The following STX7 variants were observed in gnomAD, a reference collection of about 807,000 sequenced individuals.
STX7 encodes the protein syntaxin-7.
Under a neutral mutation model 39.6 loss-of-function variants are expected in STX7, and 34 were observed. The observed-to-expected ratio is 0.86, with a 90% CI of 0.65 to 1.14. STX7 has a LOEUF of 1.14. Ranked by LOEUF, STX7 falls within the 50% of genes most tolerant of loss-of-function variation. The pLI, the probability that STX7 is intolerant of heterozygous loss-of-function variation, is 0.00. For missense variants in STX7, 284 were observed against 310.4 expected, an observed-to-expected ratio of 0.92 and a Z score of 0.64; for synonymous variants, 119 against 99.1, an observed-to-expected ratio of 1.20 and a Z score of -1.19.
intron 1 of STX7, among the ~76,000 whole-genome samples, chr6:132,508,044 G>C (rs1466788942): frequency 6.6e-6 from 1 of 152,104 alleles, no homozygotes; most frequent in Non-Finnish European, 1.5e-5. Context: ...TTAGCATTTG[G>C]GCCCACTGCC....
chr6:132,504,528 T>C (rs889204645), intron 1 of STX7, among the ~76,000 whole-genome samples: 3 of 152,214 alleles, frequency 2.0e-5, no homozygotes, highest in African/African-American at 7.2e-5. Flanking sequence ...CACCCCATCT[T>C]TTCCATGAAT....
intron 2 of STX7, among the ~76,000 whole-genome samples, chr6:132,484,282 C>T (rs1242167332): frequency 1.1e-4 from 16 of 152,268 alleles, no homozygotes. Context: ...AAAAACAAAA[C>T]AGTGTCCCGT....
chr6:132,458,788 T>C lies in STX7; in HGVS notation c.*1970A>G, dbSNP rs940415424. 2 of 152,212 alleles carry C rather than the reference T, an allele frequency of 1.3e-5. No individual in the cohort carries two copies. Among genetic ancestry groups the C allele is most frequent in the Non-Finnish European group, 1.5e-5 (1 of 68,046 alleles). 9.4% of individuals were successfully genotyped at this position (152,212 alleles called of 1,614,324 possible). On this transcript the variant is annotated 3_prime_UTR_variant, in exon 10 of 10. Coordinates refer to ENST00000367941, the MANE Select transcript of STX7 (RefSeq NM_003569.3). ...AAACTTAATATGTTTCTTAAACAAA[T>C]TGAAGCCACTAAAGTTCCTGTTTAA... is the stretch of plus-strand genomic sequence containing the variant.
chr6:132,481,146 G>A (rs1334040953), intron 2 of STX7, among the ~76,000 whole-genome samples: 6 of 152,142 alleles, frequency 3.9e-5, no homozygotes, highest in Admixed American at 6.5e-5. Flanking sequence ...AGTGTGTCAC[G>A]CAGGAGCTTT....
At chr6:132,498,147 A>T (rs970919584) in intron 2 of STX7, among the ~76,000 whole-genome samples, 2 of 152,220 alleles carry the variant, frequency 1.3e-5, no homozygotes. Context: ...TAGGATACAA[A>T]TATTTTCTTA....
At chr6:132,488,571 T>A (rs1006994640) in intron 2 of STX7, among the ~76,000 whole-genome samples, 9 of 145,284 alleles carry the variant, frequency 6.2e-5, no homozygotes, top group Non-Finnish European at 1.3e-4. Flanking sequence ...AGTTCTCAGT[T>A]TTTTTTAAGT....
At chr6:132,507,892 T>A (rs146056880) in intron 1 of STX7, among the ~76,000 whole-genome samples, 11 of 152,358 alleles carry the variant, frequency 7.2e-5, no homozygotes, top group African/African-American at 2.6e-4. Flanking sequence ...TATACCTGAA[T>A]GAGTCGCACA....
intron 2 of STX7, among the ~76,000 whole-genome samples, chr6:132,490,966 C>CAGCACAGCACAGCAT (rs1775266026): frequency 3.9e-5 from 1 of 25,760 alleles, no homozygotes; most frequent in Non-Finnish European, 9.0e-5. Context: ...TCCCTCAGTG[C>CAGCACAGCACAGCAT]AGCACAGCAC....
chr6:132,477,957 T>A (rs6569801), intron 2 of STX7, among the ~76,000 whole-genome samples: 1 of 151,994 alleles, frequency 6.6e-6, no homozygotes, highest in African/African-American at 2.4e-5. Context: ...TAAACTTTTA[T>A]GTTTCTGATT....
At position 132,450,022 on chromosome 6, in the gene STX7, G is replaced by C. The variant is rs1160948935; in HGVS notation, c.*10736C>G. On this transcript the variant is annotated 3_prime_UTR_variant, in exon 10 of 10. Coordinates refer to ENST00000367941, the MANE Select transcript of STX7 (RefSeq NM_003569.3). ...TTAAAGCATTCCTGGTTTTATGAAGGAATCTTAGGTTCACTTTCTTTACTT... is the reference window on the plus strand; with the variant it reads ...TTAAAGCATTCCTGGTTTTATGAAGCAATCTTAGGTTCACTTTCTTTACTT... 2.6e-5 allele frequency: 4 copies of C among 152,128 alleles called. No individual in the cohort carries two copies. The highest frequency in any genetic ancestry group is 9.7e-5 in the African/African-American group (4 of 41,416). 9.4% of individuals were successfully genotyped at this position (152,128 alleles called of 1,614,324 possible).
At chr6:132,472,001 C>T (rs1364479805) in intron 4 of STX7, among the ~76,000 whole-genome samples, 1 of 152,102 alleles carries the variant, frequency 6.6e-6, no homozygotes, top group Non-Finnish European at 1.5e-5. Flanking sequence ...CAGTCAGCCC[C>T]GGAAGGCCAG....
rs750519661 is a variant in STX7, at chr6:132,470,606, G to A, written c.408C>T (p.Ser136=). Residue 136 remains serine, a synonymous_variant, in exon 6 of 10, where the codon AGC becomes AGT. Coordinates refer to ENST00000367941, the MANE Select transcript of STX7 (RefSeq NM_003569.3). ...AGGATACAAGATTCCTTTCTTTTGA[G>A]CTGTCCTCAGGAAAACTGCCCTGAA... is the stretch of plus-strand genomic sequence containing the variant. The part of the protein sequence containing the change: ...SRVSGSFPED[S]SKERNLVSWE... 1.2e-5 allele frequency: 20 copies of A among 1,608,474 alleles called. No homozygotes were observed. Among genetic ancestry groups the A allele is most frequent in the Non-Finnish European group, 1.7e-5 (20 of 1,176,642 alleles).
In STX7 at chr6:132,445,958, A is replaced by G. The variant is rs974949543; in HGVS notation, c.*14800T>C. The stretch of plus-strand genomic sequence containing the variant: ...AAATTACACATGGGGTTGTTATTAC[A>G]ATCTCTTCAGTGTTCAAGGTTTCTA... On this transcript the variant is annotated 3_prime_UTR_variant, in exon 10 of 10. Transcript: ENST00000367941. 4 of 152,202 alleles carry G rather than the reference A, an allele frequency of 2.6e-5. No individual in the cohort carries two copies. Among genetic ancestry groups the G allele is most frequent in the Non-Finnish European group, 4.4e-5 (3 of 68,022 alleles). The allele number at this position is 152,202 out of a possible 1,614,324, so 9.4% of individuals were successfully genotyped here. A position where few individuals can be genotyped will look rare whatever the true frequency, so the allele number is the denominator to read the frequency against.
chr6:132,461,451 C>A lies in STX7; in HGVS notation c.694-601G>T, dbSNP rs563456016. Reference sequence around the variant, plus strand: ...CCTCCCAAGTAGCTGGGATTACAGGCGCGTGCCACCACACCCAGCTAATTT... The same window carrying A: ...CCTCCCAAGTAGCTGGGATTACAGGAGCGTGCCACCACACCCAGCTAATTT... On this transcript the variant is annotated intron_variant, in intron 9 of 9. Coordinates refer to ENST00000367941, the MANE Select transcript of STX7 (RefSeq NM_003569.3). Among the ~76,000 whole-genome samples the A allele has an allele frequency of 9.9e-5, 15 of 151,938 alleles. 1 individual carries two copies. The highest frequency in any genetic ancestry group is 9.8e-4 in the Admixed American group (15 of 15,262).
At chr6:132,501,312 C>G (rs948425491) in intron 2 of STX7, among the ~76,000 whole-genome samples, 2 of 152,156 alleles carry the variant, frequency 1.3e-5, no homozygotes, top group Non-Finnish European at 2.9e-5. Flanking sequence ...CCTCGGCCTC[C>G]CAAAGTGCTG....
rs1277274009 is a variant in STX7, at chr6:132,452,967, C to T, written c.*7791G>A. ...TGGAATAAACCAGCCTATTTGATTTCAAGACTTACTACAGTAATCAAGATT... is the reference window on the plus strand; with the variant it reads ...TGGAATAAACCAGCCTATTTGATTTTAAGACTTACTACAGTAATCAAGATT... On this transcript the variant is annotated 3_prime_UTR_variant, in exon 10 of 10. Transcript: ENST00000367941. 2 of 152,030 alleles carry T rather than the reference C, an allele frequency of 1.3e-5. No individual in the cohort carries two copies. Among genetic ancestry groups the T allele is most frequent in the Non-Finnish European group, 2.9e-5 (2 of 67,934 alleles). The allele number at this position is 152,030 out of a possible 1,614,324, so 9.4% of individuals were successfully genotyped here.
chr6:132,462,654 C>T (rs995947707), intron 9 of STX7, among the ~76,000 whole-genome samples: 29 of 148,426 alleles, frequency 2.0e-4, no homozygotes, highest in African/African-American at 7.3e-4. Context: ...ACCTAAAGTC[C>T]ATGACACAGT....
At chr6:132,499,048 T>C (rs1775487454) in intron 2 of STX7, among the ~76,000 whole-genome samples, 1 of 152,198 alleles carries the variant, frequency 6.6e-6, no homozygotes, top group South Asian at 2.1e-4. Flanking sequence ...AAATCTCCCA[T>C]GTTTGCCCAC....
intron 2 of STX7, among the ~76,000 whole-genome samples, chr6:132,503,208 T>C (rs1249662976): frequency 6.6e-6 from 1 of 152,266 alleles, no homozygotes; most frequent in East Asian, 1.9e-4. Flanking sequence ...ATCTTTATTT[T>C]ATTTAATGAA....
Sources: allele counts gnomAD v4.1 joint callset (sites outside exome capture counted in the v4.1 genomes callset), GRCh38; gene constraint gnomAD v4.1.1; transcripts MANE v1.5; gene names NCBI Gene and HGNC (gene_info 2026-07-23, HGNC 2026-07-21).